AKR1B1: variants seen among roughly 807,000 people sequenced by gnomAD.
AKR1B1 encodes the protein aldo-keto reductase family 1 member B, also known as aldo-keto reductase family 1 member B1.
A neutral mutation model predicts 40.4 loss-of-function variants in AKR1B1; 22 were observed. The ratio of observed to expected loss-of-function variants is 0.54; its 90% confidence interval spans 0.39 to 0.78. The LOEUF is 0.78. AKR1B1 is among the 30% of genes least tolerant of loss of function. The probability of loss-of-function intolerance (pLI) is 0.00; values close to 1 mark genes in which losing one functional copy is unlikely to be tolerated. For missense variants in AKR1B1, 357 were observed against 396.7 expected (o/e 0.90, Z 0.85); for synonymous variants, 157 against 149.9 (o/e 1.05, Z -0.35).
At chr7:134,444,417 G>A (rs1020163392) in intron 9 of AKR1B1, among the ~76,000 whole-genome samples, 9 of 152,232 alleles carry the variant, frequency 5.9e-5, no homozygotes, top group Admixed American at 2.6e-4. Context: ...TGCAAACTCC[G>A]GGGAGGGAGA....
At chr7:134,453,106 C>A (rs1310376578) in intron 1 of AKR1B1, among the ~76,000 whole-genome samples, 1 of 152,194 alleles carries the variant, frequency 6.6e-6, no homozygotes, top group East Asian at 1.9e-4. Flanking sequence ...CCACTGATGA[C>A]AGCAGGGAGA....
chr7:134,444,125 A>C (rs1010132209), intron 9 of AKR1B1, among the ~76,000 whole-genome samples: 2 of 152,204 alleles, frequency 1.3e-5, no homozygotes, highest in Non-Finnish European at 2.9e-5. Context: ...AGGAGAACGA[A>C]TGTAGCTTGG....
At chr7:134,447,277 C>T (rs113462862) in intron 8 of AKR1B1, 21 bp downstream of exon 8, 133 of 1,610,740 alleles carry the variant, frequency 8.3e-5, no homozygotes, top group Non-Finnish European at 1.0e-4. Context: ...GAGGGCCAGG[C>T]CTGACCAGCC....
In AKR1B1 at chr7:134,459,066, T is replaced by A. The variant is rs751586863; in HGVS notation, c.-4A>T. The A allele has an allele frequency of 1.2e-6, 2 of 1,601,964 alleles. No homozygotes were observed. The highest frequency in any genetic ancestry group is 1.7e-5 in the Admixed American group (1 of 58,714). Reference sequence around the variant, plus strand: ...TGAGCAGGAGACGGCTTGCCATGGCTGCTGCGCTCCCCAGACCCCCGCCCA... The same window carrying A: ...TGAGCAGGAGACGGCTTGCCATGGCAGCTGCGCTCCCCAGACCCCCGCCCA... On this transcript the variant is annotated 5_prime_UTR_variant, in exon 1 of 10. Coordinates refer to ENST00000285930, the MANE Select transcript of AKR1B1 (RefSeq NM_001628.4).
chr7:134,446,605 GCCA>G (rs1806104471), intron 8 of AKR1B1, among the ~76,000 whole-genome samples: 10 of 144,352 alleles, frequency 6.9e-5, no homozygotes, highest in African/African-American at 2.3e-4. Context: ...CCACACCCCC[GCCA>G]CCAATGCTGC....
At chr7:134,454,558 G>A (rs909838048) in intron 1 of AKR1B1, among the ~76,000 whole-genome samples, 8 of 152,174 alleles carry the variant, frequency 5.3e-5, no homozygotes, top group Admixed American at 3.3e-4. Context: ...ACAGGAAGAC[G>A]GTCACAGGAC....
chr7:134,447,615 A>G, intron 7 of AKR1B1: 2 of 635,610 alleles, frequency 3.1e-6, no homozygotes, highest in South Asian at 1.8e-5. Context: ...TGTCTCAGGC[A>G]TATCATGAGA....
chr7:134,451,574 G>GCGGAA lies in AKR1B1; in HGVS notation c.234+7_234+11dup, dbSNP rs767954364. 6.2e-7 allele frequency: 1 copy of GCGGAA among 1,613,338 alleles called. No individual in the cohort carries two copies. Among genetic ancestry groups the GCGGAA allele is most frequent in the South Asian group, 1.1e-5 (1 of 91,026 alleles). On this transcript the variant is annotated intron_variant, in intron 2 of 9. Coordinates refer to ENST00000285930, the MANE Select transcript of AKR1B1 (RefSeq NM_001628.4). ...ACCGAGAGCCCCTTCCAGCCCCACC[G>GCGGAA]CGGAACGATACCTTGCTGACGATGA... is the stretch of plus-strand genomic sequence containing the variant.
At chr7:134,457,416 GA>G (rs1806503962) in intron 1 of AKR1B1, among the ~76,000 whole-genome samples, 1 of 152,148 alleles carries the variant, frequency 6.6e-6, no homozygotes, top group Non-Finnish European at 1.5e-5. Flanking sequence ...GCAACAGATG[GA>G]AATTAGCTTG....
chr7:134,445,744 G>A (rs1435245864), intron 8 of AKR1B1, among the ~76,000 whole-genome samples: 1 of 152,260 alleles, frequency 6.6e-6, no homozygotes, highest in African/African-American at 2.4e-5. Context: ...AGGAAGGGCA[G>A]AGGTATTCCA....
chr7:134,458,439 A>G (rs1372842488), intron 1 of AKR1B1, among the ~76,000 whole-genome samples: 1 of 152,036 alleles, frequency 6.6e-6, no homozygotes, highest in African/African-American at 2.4e-5. Context: ...GCGCCACCTA[A>G]TTCTCTGCCC....
intron 1 of AKR1B1, among the ~76,000 whole-genome samples, chr7:134,452,053 G>A (rs1484086358): frequency 6.6e-6 from 1 of 152,144 alleles, no homozygotes; most frequent in Non-Finnish European, 1.5e-5. Context: ...CCACTGATTT[G>A]CAAACCACTG....
rs775137066 is a variant in AKR1B1, at chr7:134,448,421, C to T, written c.625G>A (p.Ala209Thr). Residue 209 changes from alanine (A) to threonine (T), a missense_variant, in exon 6 of 10, where the codon GCC becomes ACC. Physicochemically the swap from Ala to Thr is moderately conservative, Grantham distance 58. Coordinates refer to ENST00000285930, the MANE Select transcript of AKR1B1 (RefSeq NM_001628.4). ...YCQSKGIVVT[A>T]YSPLGSPDRP... ...TCAGGAGAGCCGAGGGGGCTGTAGG[C>T]GGTCACCACGATGCCTTTGGACTGG... 5 of 1,613,824 alleles carry T rather than the reference C, an allele frequency of 3.1e-6. No individual in the cohort carries two copies. The highest frequency in any genetic ancestry group is 1.7e-5 in the Admixed American group (1 of 60,000).
intron 8 of AKR1B1, among the ~76,000 whole-genome samples, chr7:134,445,935 G>GAGGC (rs1034673398): frequency 3.9e-5 from 6 of 152,212 alleles, no homozygotes; most frequent in African/African-American, 9.6e-5. Context: ...GGGAGGGAGG[G>GAGGC]AGGCAGGCAG....
chr7:134,443,647 C>G (rs1242575397), intron 9 of AKR1B1, among the ~76,000 whole-genome samples: 1 of 151,468 alleles, frequency 6.6e-6, no homozygotes, highest in Admixed American at 6.6e-5. Context: ...CACTGTCCAT[C>G]TAGTAGGGCC....
At chr7:134,448,621 T>C in intron 5 of AKR1B1, 128 bp from the exon 6 acceptor site, 4 of 754,544 alleles carry the variant, frequency 5.3e-6, no homozygotes, top group Non-Finnish European at 9.4e-6. Flanking sequence ...AACACCCTAT[T>C]TCCCAGATAA....
At chr7:134,455,260 G>T (rs1461669125) in intron 1 of AKR1B1, among the ~76,000 whole-genome samples, 1 of 152,126 alleles carries the variant, frequency 6.6e-6, no homozygotes, top group Non-Finnish European at 1.5e-5. Context: ...CCTCTAGAAG[G>T]CTACTGGCCA....
At position 134,449,485 on chromosome 7, in the gene AKR1B1, G is replaced by A. The variant is rs1806218293; in HGVS notation, c.429+235C>T. ...ACCTGTAGTCCCAGCTACTCAGGAG[G>A]CTGAGGCAGGAGAATGGCGTGAACC... On this transcript the variant is annotated intron_variant, in intron 4 of 9. Coordinates refer to ENST00000285930, the MANE Select transcript of AKR1B1 (RefSeq NM_001628.4). The A allele has an allele frequency of 1.0e-5, 6 of 584,696 alleles. No homozygotes were observed. The East Asian group carries it at 1.2e-4, about 11-fold the overall frequency. 36.2% of individuals were successfully genotyped at this position (584,696 alleles called of 1,614,324 possible). A position where few individuals can be genotyped will look rare whatever the true frequency, so the allele number is the denominator to read the frequency against.
intron 1 of AKR1B1, among the ~76,000 whole-genome samples, chr7:134,452,682 G>T (rs930967180): frequency 6.6e-6 from 1 of 152,176 alleles, no homozygotes; most frequent in Non-Finnish European, 1.5e-5. Context: ...CATGTGCAGC[G>T]GGCTGTTGAA....
Sources: allele counts gnomAD v4.1 joint callset (sites outside exome capture counted in the v4.1 genomes callset), GRCh38; gene constraint gnomAD v4.1.1; transcripts MANE v1.5; gene names NCBI Gene and HGNC (gene_info 2026-07-23, HGNC 2026-07-21).